Variants in SPTBN1 observed in about 807,000 individuals in gnomAD.
SPTBN1 encodes the protein spectrin beta chain, non-erythrocytic 1.
A neutral mutation model predicts 266.4 loss-of-function variants in SPTBN1; 32 were observed. The observed-to-expected ratio is 0.12, with a 90% CI of 0.09 to 0.16. The LOEUF (loss-of-function observed/expected upper bound fraction) is 0.16. Ranked by LOEUF, SPTBN1 falls within the 10% of genes least tolerant of loss-of-function variation. The pLI is 1.00. For missense variants in SPTBN1, 2,296 were observed against 3,067.1 expected (o/e 0.75, Z 5.94); for synonymous variants, 1,336 against 1,162.2 (o/e 1.15, Z -3.04).
At chr2:54,654,959 CAGTTTCTT>C in intron 27 of SPTBN1, 103 bp from the exon 28 acceptor site, 1 of 614,750 alleles carries the variant, frequency 1.6e-6, no homozygotes, top group Non-Finnish European at 2.3e-6. Context: ...GAAAGACCAT[CAGTTTCTT>C]TCAAGGCCAT....
chr2:54,489,927 T>G (rs1027321819), intron 1 of SPTBN1, among the ~76,000 whole-genome samples: 1 of 152,222 alleles, frequency 6.6e-6, no homozygotes, highest in Non-Finnish European at 1.5e-5. Context: ...CGAGAAGACC[T>G]ATGAGCCTAA....
chr2:54,623,764 TGGTACCG>T (rs1230067858), intron 10 of SPTBN1, among the ~76,000 whole-genome samples, 168 bp downstream of exon 10: 2 of 152,262 alleles, frequency 1.3e-5, no homozygotes, highest in Admixed American at 1.3e-4. Context: ...AAGCAAGCAA[TGGTACCG>T]GGTTAGGCTG....
At chr2:54,481,918 C>T (rs549282834) in intron 1 of SPTBN1, among the ~76,000 whole-genome samples, 46 of 152,074 alleles carry the variant, frequency 3.0e-4, no homozygotes, top group Non-Finnish European at 5.3e-4. Flanking sequence ...TTTGTAAAAC[C>T]TCTTTGCTTC....
chr2:54,481,391 AGTGTGTGTGTGT>A (rs72077761), intron 1 of SPTBN1, among the ~76,000 whole-genome samples: 3,493 of 117,386 alleles, frequency 0.03, 67 homozygotes, highest in African/African-American at 0.057. Flanking sequence ...CAGAAACCTG[AGTGTGTGTGTGT>A]GTGTGTGTGT....
intron 1 of SPTBN1, among the ~76,000 whole-genome samples, chr2:54,518,052 C>T (rs1670213715): frequency 1.3e-5 from 2 of 151,714 alleles, no homozygotes; most frequent in South Asian, 4.1e-4. Flanking sequence ...ATGCTTGTGA[C>T]TTTTCTTGTG....
intron 2 of SPTBN1, among the ~76,000 whole-genome samples, chr2:54,579,574 A>C (rs10187447): frequency 6.6e-6 from 1 of 151,872 alleles, no homozygotes; most frequent in African/African-American, 2.4e-5. Context: ...ACTGAGCTGA[A>C]GCACATTGGC....
rs143151480 is a variant in SPTBN1, at chr2:54,589,678, G to T, written c.149-9414G>T. Among the ~76,000 whole-genome samples, 130 of 152,310 alleles carry T rather than the reference G, an allele frequency of 8.5e-4. 2 individuals carry two copies. In the East Asian group the frequency reaches 0.016, roughly 19 times the overall value. On this transcript the variant is annotated intron_variant, in intron 2 of 35. Coordinates refer to ENST00000356805, the MANE Select transcript of SPTBN1 (RefSeq NM_003128.3). ...ACATGAATTTAAGGCCTTCAGACTA[G>T]TCCGTCACAGGGAGGACTTCAGTCA...
Position 54,626,468 on chromosome 2 carries a change from G to A in SPTBN1, c.1644+234G>A, listed in dbSNP as rs1201580930. Among the ~76,000 whole-genome samples, 2 of 152,222 alleles carry A rather than the reference G, an allele frequency of 1.3e-5. No individual in the cohort carries two copies. The highest frequency in any genetic ancestry group is 4.8e-5 in the African/African-American group (2 of 41,464). On this transcript the variant is annotated intron_variant, in intron 12 of 35. Coordinates refer to ENST00000356805, the MANE Select transcript of SPTBN1 (RefSeq NM_003128.3). This position sits in a 1 kb window ranked among gnomAD's most constrained non-coding sequence, Gnocchi z 4.7. ...TCAGTAGCCAGAGCTCTGTTTCTGT[G>A]ACTTAGATATATTCCAGTGTAGGGA...
intron 26 of SPTBN1, among the ~76,000 whole-genome samples, chr2:54,651,924 T>A (rs1266581661): frequency 6.6e-6 from 1 of 152,192 alleles, no homozygotes; most frequent in Admixed American, 6.5e-5. Context: ...TTTTCTTTTT[T>A]AACCTGTTAT....
At chr2:54,495,389 A>C (rs1668914327) in intron 1 of SPTBN1, among the ~76,000 whole-genome samples, 1 of 152,190 alleles carries the variant, frequency 6.6e-6, no homozygotes, top group African/African-American at 2.4e-5. Flanking sequence ...AAATCATATT[A>C]GGAGAACCTT....
Position 54,664,441 on chromosome 2 carries a change from C to T in SPTBN1, c.6421-12C>T, listed in dbSNP as rs377729516. On this transcript the variant is annotated splice_polypyrimidine_tract_variant and intron_variant, in intron 32 of 35. Coordinates refer to ENST00000356805, the MANE Select transcript of SPTBN1 (RefSeq NM_003128.3). This position sits in a 1 kb window ranked among gnomAD's most constrained non-coding sequence, Gnocchi z 5.6. The stretch of plus-strand genomic sequence containing the variant: ...CACGGAGTTAGCTGAATGGCCTCTC[C>T]GCTGTCCCTAGATGGCAGAAACGGT... The T allele has an allele frequency of 1.2e-5, 20 of 1,606,128 alleles. No individual in the cohort carries two copies. Among genetic ancestry groups the T allele is most frequent in the South Asian group, 5.5e-5 (5 of 90,838 alleles).
Position 54,625,789 on chromosome 2 carries a change from C to T in SPTBN1, c.1342-143C>T. 5 of 872,010 alleles carry T rather than the reference C, an allele frequency of 5.7e-6. 1 individual carries two copies. In the East Asian group the frequency reaches 1.1e-4, roughly 19 times the overall value. The allele number at this position is 872,010 out of a possible 1,614,324, so 54.0% of individuals were successfully genotyped here. ...TATTTTTAGTAGAGACAGGGTTTCACAATGTTGGCCAGGCTAGTCTCGAAC... is the reference window on the plus strand; with the variant it reads ...TATTTTTAGTAGAGACAGGGTTTCATAATGTTGGCCAGGCTAGTCTCGAAC... On this transcript the variant is annotated intron_variant, in intron 11 of 35. Coordinates refer to ENST00000356805, the MANE Select transcript of SPTBN1 (RefSeq NM_003128.3).
At position 54,618,156 on chromosome 2, in the gene SPTBN1, A is replaced by G. The variant is rs144778117; in HGVS notation, c.726A>G (p.Glu242=). 1.6e-5 allele frequency: 26 copies of G among 1,614,104 alleles called. No individual in the cohort carries two copies. Among genetic ancestry groups the G allele is most frequent in the African/African-American group, 2.7e-5 (2 of 74,940 alleles). Residue 242 remains glutamate (E), a synonymous_variant, in exon 7 of 36, where the codon GAA becomes GAG. Coordinates refer to ENST00000356805, the MANE Select transcript of SPTBN1 (RefSeq NM_003128.3). Reference sequence around the variant, plus strand: ...TGCAGAATGCATTTAATCTGGCAGAACAGCACCTCGGCCTCACTAAACTGT... The same window carrying G: ...TGCAGAATGCATTTAATCTGGCAGAGCAGCACCTCGGCCTCACTAAACTGT... The part of the protein sequence containing the change: ...YNLQNAFNLA[E]QHLGLTKLLD...
chr2:54,498,797 A>G (rs1018723664), intron 1 of SPTBN1, among the ~76,000 whole-genome samples: 9 of 152,314 alleles, frequency 5.9e-5, no homozygotes, highest in Admixed American at 2.0e-4. Context: ...TGGAGCCCGT[A>G]CTTTATGCCA....
chr2:54,525,111 G>T (rs1670721622), intron 1 of SPTBN1, among the ~76,000 whole-genome samples: 1 of 152,130 alleles, frequency 6.6e-6, no homozygotes, highest in African/African-American at 2.4e-5. Flanking sequence ...TTGTATTTTG[G>T]TTCAATGAGT....
chr2:54,659,185 A>T lies in SPTBN1; in HGVS notation c.6275A>T (p.Glu2092Val), dbSNP rs1226656223. The T allele has an allele frequency of 6.2e-7, 1 of 1,614,032 alleles. No individual in the cohort carries two copies. Among genetic ancestry groups the T allele is most frequent in the Non-Finnish European group, 8.5e-7 (1 of 1,179,962 alleles). Residue 2092 changes from glutamate (E) to valine (V), a missense_variant, in exon 31 of 36, where the codon GAG (glutamate) becomes GTG (valine). By Grantham distance (121) the Glu-to-Val change is moderately radical. Transcript: ENST00000356805. The part of the protein sequence containing the change: ...LELLEVRRQQ[E>V]EEERKRRPPS... ...TTACTGGAAGTGCGCAGACAGCAAGAGGAAGAGGAGAGGAAGAGGCGGCCG... is the reference window on the plus strand; with the variant it reads ...TTACTGGAAGTGCGCAGACAGCAAGTGGAAGAGGAGAGGAAGAGGCGGCCG...
At chr2:54,530,353 C>CTTTTTTTTTG (rs1671146226) in intron 2 of SPTBN1, among the ~76,000 whole-genome samples, 1 of 73,882 alleles carries the variant, frequency 1.4e-5, no homozygotes, top group African/African-American at 5.3e-5. Context: ...TTGTAAAAAA[C>CTTTTTTTTTG]TTTTTTTTTT....
chr2:54,537,198 C>G (rs79662333), intron 2 of SPTBN1, among the ~76,000 whole-genome samples: 144 of 152,324 alleles, frequency 9.5e-4, no homozygotes, highest in African/African-American at 3.4e-3. Context: ...ATCTGCTCCT[C>G]CTTGACTCAG....
chr2:54,660,185 T>C, intron 32 of SPTBN1, 186 bp downstream of exon 32: 2 of 1,487,974 alleles, frequency 1.3e-6, no homozygotes, highest in Non-Finnish European at 1.8e-6. Context: ...TTTACTTAAT[T>C]CATAGCCTTC....
Sources: gnomAD v4.1 joint callset for allele counts (sites outside exome capture counted in the v4.1 genomes callset) on GRCh38, gnomAD v4.1.1 for gene constraint, Gnocchi (gnomAD v3.1) non-coding constraint, MANE v1.5 for transcripts, NCBI Gene and HGNC (gene_info 2026-07-23, HGNC 2026-07-21) for gene names.